The following TECRL variants were observed in gnomAD, a reference collection of about 807,000 sequenced individuals.
The protein encoded by TECRL is trans-2,3-enoyl-CoA reductase like.
A neutral mutation model predicts 52.8 loss-of-function variants in TECRL; 63 were observed. The ratio of observed to expected loss-of-function variants is 1.19; its 90% CI spans 0.97 to 1.47. TECRL has a LOEUF of 1.47. Among genes scored for constraint, TECRL ranks in the 40% most tolerant of loss-of-function variants. The pLI, the probability that TECRL is intolerant of heterozygous loss-of-function variation, is 0.00. For synonymous variants in TECRL, 164 were observed against 141.9 expected (o/e 1.16, Z -1.10); for missense variants, 482 against 429.6 (o/e 1.12, Z -1.08).
chr4:64,303,823 T>TAAG (rs1378049132), intron 7 of TECRL, among the ~76,000 whole-genome samples: 1 of 151,844 alleles, frequency 6.6e-6, no homozygotes, highest in Non-Finnish European at 1.5e-5. Flanking sequence ...ACAACCATGT[T>TAAG]AAGTGTGGAC....
chr4:64,280,414 A>G (rs1172027910), intron 11 of TECRL, among the ~76,000 whole-genome samples: 1 of 152,110 alleles, frequency 6.6e-6, no homozygotes, highest in Non-Finnish European at 1.5e-5. Context: ...TTAAAAATGA[A>G]TCTACATATT....
At chr4:64,285,690 G>T (rs746349982) in intron 9 of TECRL, among the ~76,000 whole-genome samples, 34 of 152,070 alleles carry the variant, frequency 2.2e-4, no homozygotes, top group Non-Finnish European at 4.0e-4. Flanking sequence ...TTTGAGAAAA[G>T]ATCTGGGACT....
intron 2 of TECRL, among the ~76,000 whole-genome samples, chr4:64,363,202 G>T (rs1721326464): frequency 6.6e-6 from 1 of 152,046 alleles, no homozygotes; most frequent in Non-Finnish European, 1.5e-5. Context: ...GTTCTTAGAG[G>T]TTTATGAAGA....
chr4:64,336,572 C>T (rs1719100734), intron 2 of TECRL, among the ~76,000 whole-genome samples: 2 of 152,182 alleles, frequency 1.3e-5, no homozygotes, highest in South Asian at 2.1e-4. Context: ...TTTGCTCTTG[C>T]TTCTCTAGCT....
At chr4:64,399,189 T>C (rs150350033) in intron 1 of TECRL, among the ~76,000 whole-genome samples, 248 of 152,108 alleles carry the variant, frequency 1.6e-3, no homozygotes, top group African/African-American at 5.6e-3. Context: ...AACCCACGAG[T>C]GTATTCTCTC....
chr4:64,353,183 T>C (rs73230423), intron 2 of TECRL, among the ~76,000 whole-genome samples: 1 of 152,280 alleles, frequency 6.6e-6, no homozygotes, highest in East Asian at 1.9e-4. Flanking sequence ...AGTGAAGATA[T>C]AAACACAGAA....
intron 2 of TECRL, among the ~76,000 whole-genome samples, chr4:64,374,759 G>A (rs1577957541): frequency 6.6e-6 from 1 of 152,006 alleles, no homozygotes; most frequent in African/African-American, 2.4e-5. Context: ...TTTTATGGCT[G>A]CATAGTATTC....
At chr4:64,331,620 A>T (rs768945316) in intron 2 of TECRL, among the ~76,000 whole-genome samples, 1 of 152,170 alleles carries the variant, frequency 6.6e-6, no homozygotes, top group Non-Finnish European at 1.5e-5. Context: ...GATTTAAAAT[A>T]AAGAATCAAA....
intron 2 of TECRL, among the ~76,000 whole-genome samples, chr4:64,355,108 G>A (rs1434376669): frequency 2.6e-5 from 4 of 152,012 alleles, no homozygotes; most frequent in African/African-American, 9.7e-5. Context: ...GCTTAGACTG[G>A]GGAAATCTTT....
chr4:64,313,765 G>A (rs1717252758), intron 5 of TECRL, among the ~76,000 whole-genome samples: 1 of 150,786 alleles, frequency 6.6e-6, no homozygotes, highest in African/African-American at 2.4e-5. Context: ...GCAGGCGTGA[G>A]CCACCAGCAC....
chr4:64,324,538 T>C (rs773954090), intron 3 of TECRL, among the ~76,000 whole-genome samples: 1 of 151,992 alleles, frequency 6.6e-6, no homozygotes, highest in Non-Finnish European at 1.5e-5. Flanking sequence ...TCTTTCAGAA[T>C]CCAAGATATC....
intron 5 of TECRL, among the ~76,000 whole-genome samples, chr4:64,313,040 T>C (rs1717162211): frequency 6.6e-6 from 1 of 152,158 alleles, no homozygotes; most frequent in Admixed American, 6.5e-5. Context: ...CAATTAAATC[T>C]TTTTTTCTTT....
chr4:64,343,210 C>G (rs993302654), intron 2 of TECRL, among the ~76,000 whole-genome samples: 1 of 152,000 alleles, frequency 6.6e-6, no homozygotes, highest in Non-Finnish European at 1.5e-5. Flanking sequence ...GCCAAAGGAG[C>G]TTGGTAAGAA....
chr4:64,322,755 A>C lies in TECRL; in HGVS notation c.369T>G (p.Ser123Arg), dbSNP rs746216781. 1.2e-6 allele frequency: 2 copies of C among 1,612,232 alleles called. No homozygotes were observed. Among genetic ancestry groups the C allele is most frequent in the African/African-American group, 1.3e-5 (1 of 74,864 alleles). The change falls in exon 4 of 12, where the codon AGT (serine) becomes AGG (arginine). Residue 123 changes from serine to arginine, a missense_variant. Coordinates refer to ENST00000381210, the MANE Select transcript of TECRL (RefSeq NM_001010874.5). ...GTGTGACAATGGAGGAAGCTGCAAT[A>C]CTTTGAATGGTAATGTAGTCCTTCA... ...PFLKDYITIQSIAASSIVTLY... is the reference protein window; with the variant it reads ...PFLKDYITIQRIAASSIVTLY...
chr4:64,347,258 C>T (rs756224715), intron 2 of TECRL, among the ~76,000 whole-genome samples: 1 of 152,124 alleles, frequency 6.6e-6, no homozygotes, highest in Non-Finnish European at 1.5e-5. Context: ...AGAACACTGA[C>T]TTATCTGGAA....
At chr4:64,306,426 C>T (rs959415994) in intron 6 of TECRL, among the ~76,000 whole-genome samples, 4 of 152,064 alleles carry the variant, frequency 2.6e-5, no homozygotes, top group African/African-American at 7.2e-5. Flanking sequence ...TCCCTGACAC[C>T]CCATTAGGGT....
intron 2 of TECRL, among the ~76,000 whole-genome samples, chr4:64,355,595 G>A (rs6848469): frequency 0.028 from 4,311 of 151,866 alleles, 68 homozygotes; most frequent in Non-Finnish European, 0.038. Context: ...TCAGGAGATC[G>A]AGACCATCCT....
chr4:64,409,270 C>A lies in TECRL; in HGVS notation c.82G>T (p.Asp28Tyr), dbSNP rs1724942712. ...AAAAAGTGAAAATTTCTCATATCAT[C>A]CTTCAGTATGAACCGTGTAGCTCTT... ...SQRATRFILKDDMRNFHFLSK... is the reference protein window; with the variant it reads ...SQRATRFILKYDMRNFHFLSK... The change falls in exon 1 of 12, where the codon GAT (aspartate) becomes TAT (tyrosine). Residue 28 changes from aspartate (D) to tyrosine (Y), a missense_variant. By Grantham distance (160) the Asp-to-Tyr change is radical (BLOSUM62 -3). Transcript: ENST00000381210. 6.3e-7 allele frequency: 1 copy of A among 1,591,540 alleles called. No individual in the cohort carries two copies. The highest frequency in any genetic ancestry group is 1.7e-5 in the Admixed American group (1 of 59,108).
intron 2 of TECRL, among the ~76,000 whole-genome samples, chr4:64,348,268 A>C (rs1316661124): frequency 6.6e-6 from 1 of 152,160 alleles, no homozygotes; most frequent in Non-Finnish European, 1.5e-5. Context: ...GAGAGAGAAA[A>C]ATAAAGCACA....
Sources: allele counts gnomAD v4.1 joint callset (sites outside exome capture counted in the v4.1 genomes callset), GRCh38; gene constraint gnomAD v4.1.1; transcripts MANE v1.5; gene names NCBI Gene and HGNC (gene_info 2026-07-23, HGNC 2026-07-21).